The following XIAP variants were observed in gnomAD, a reference collection of about 807,000 sequenced individuals.
XIAP encodes E3 ubiquitin-protein ligase XIAP.
Under a neutral mutation model 33.1 loss-of-function variants are expected in XIAP, and 3 were observed. The ratio of observed to expected loss-of-function variants is 0.09; its 90% CI spans 0.04 to 0.23. The LOEUF (loss-of-function observed/expected upper bound fraction) is 0.23, where lower values mean the gene tolerates loss of function less well. XIAP is among the 10% of genes least tolerant of loss of function. The probability of loss-of-function intolerance (pLI) is 1.00; values close to 1 mark genes in which losing one functional copy is unlikely to be tolerated. For missense variants in XIAP, 264 were observed against 363.0 expected (o/e 0.73, Z 2.22); for synonymous variants, 98 against 121.3 (o/e 0.81, Z 1.26).
intron 1 of XIAP, among the ~76,000 whole-genome samples, chrX:123,866,148 C>T (rs1441455192): frequency 1.8e-5 from 2 of 110,213 alleles, no homozygotes; most frequent in Non-Finnish European, 1.9e-5. Flanking sequence ...ACCATGTTAA[C>T]CAGGTTGGCC....
chrX:123,885,159 G>T (rs1353388933), intron 1 of XIAP, among the ~76,000 whole-genome samples: 1 of 111,693 alleles, frequency 9.0e-6, no homozygotes, highest in Admixed American at 9.6e-5. Flanking sequence ...TAAGCAAAGA[G>T]ATATTAAAAA....
chrX:123,864,635 A>AGTGTGTGTGTGTGTGT (rs748255094), intron 1 of XIAP, among the ~76,000 whole-genome samples: 5 of 84,674 alleles, frequency 5.9e-5, no homozygotes, highest in Admixed American at 1.4e-4. Context: ...CCCGGCTTAG[A>AGTGTGTGTGTGTGTGT]GTGTGTGTGT....
chrX:123,862,286 C>T (rs1451828012), intron 1 of XIAP, among the ~76,000 whole-genome samples: 1 of 108,716 alleles, frequency 9.2e-6, no homozygotes, highest in Non-Finnish European at 1.9e-5. Flanking sequence ...CCAGGCTGAT[C>T]TCGAACTCCT....
At chrX:123,893,310 G>T (rs1188555939) in intron 5 of XIAP, among the ~76,000 whole-genome samples, 1 of 107,335 alleles carries the variant, frequency 9.3e-6, no homozygotes, top group Non-Finnish European at 1.9e-5. Flanking sequence ...ACGAGGTCAG[G>T]AGATCGAGAC....
intron 1 of XIAP, among the ~76,000 whole-genome samples, chrX:123,869,341 C>T (rs1363192729): frequency 1.5e-5 from 1 of 66,678 alleles, no homozygotes; most frequent in African/African-American, 6.0e-5. Context: ...AGAGCAAAAC[C>T]CCATCTCTAC....
chrX:123,899,144 A>AAAAAAAAAAAAATATATATAT (rs1186271285), intron 5 of XIAP, among the ~76,000 whole-genome samples: 1 of 50,184 alleles, frequency 2.0e-5, no homozygotes, highest in African/African-American at 8.4e-5. Context: ...AAAAAAAAAA[A>AAAAAAAAAAAAATATATATAT]ATATATATAT....
intron 5 of XIAP, among the ~76,000 whole-genome samples, chrX:123,893,836 A>T (rs1393106417): frequency 8.9e-6 from 1 of 112,202 alleles, no homozygotes; most frequent in African/African-American, 3.2e-5. Context: ...GCAAGACTCC[A>T]TCTCAAAAAG....
rs758511888 is a variant in XIAP, at chrX:123,885,917, A to C, written c.255A>C (p.Lys85Asn). Residue 85 changes from lysine to asparagine, a missense_variant, in exon 2 of 7, where the codon AAA becomes AAC. Coordinates refer to ENST00000371199, the MANE Select transcript of XIAP (RefSeq NM_001167.4). Reference sequence around the variant, plus strand: ...ACTCAGCAGTTGGAAGACACAGGAAAGTATCCCCAAATTGCAGATTTATCA... The same window carrying C: ...ACTCAGCAGTTGGAAGACACAGGAACGTATCCCCAAATTGCAGATTTATCA... Reference protein sequence around the residue: ...YGDSAVGRHRKVSPNCRFING... With the variant: ...YGDSAVGRHRNVSPNCRFING... The C allele has an allele frequency of 1.7e-6, 2 of 1,211,850 alleles. No individual in the cohort carries two copies. Among genetic ancestry groups the C allele is most frequent in the Admixed American group, 4.4e-5 (2 of 45,908 alleles).
chrX:123,897,300 A>G (rs1257524116), intron 5 of XIAP, among the ~76,000 whole-genome samples: 1 of 111,996 alleles, frequency 8.9e-6, no homozygotes, highest in Non-Finnish European at 1.9e-5. Flanking sequence ...TTAATGTCAT[A>G]TTTAAGAAAC....
chrX:123,885,035 GTAAT>G (rs1393247603), intron 1 of XIAP, among the ~76,000 whole-genome samples: 1 of 110,002 alleles, frequency 9.1e-6, no homozygotes, highest in African/African-American at 3.3e-5. Flanking sequence ...ATATATATCT[GTAAT>G]TATCCAGTTA....
chrX:123,880,212 A>G (rs1247851652), intron 1 of XIAP, among the ~76,000 whole-genome samples: 1 of 109,355 alleles, frequency 9.1e-6, no homozygotes, highest in Non-Finnish European at 1.9e-5. Flanking sequence ...CAGGAGTTCA[A>G]GACCAGCCTG....
chrX:123,887,994 TAATAATAATTAATA>T (rs1222088344), intron 2 of XIAP, among the ~76,000 whole-genome samples: 7 of 95,076 alleles, frequency 7.4e-5, no homozygotes, highest in Admixed American at 4.6e-4. Context: ...CAGAAAAAAA[TAATAATAATTAATA>T]AATAAATAAA....
chrX:123,886,287 A>G lies in XIAP; in HGVS notation c.625A>G (p.Asn209Asp), dbSNP rs2053350664. Residue 209 changes from asparagine to aspartate, a missense_variant, in exon 2 of 7, where the codon AAT becomes GAT. Asn to Asp is a conservative substitution (Grantham distance 23, BLOSUM62 1). Transcript: ENST00000371199. ...CTTTTGTTGTGGTGGAAAACTGAAA[A>G]ATTGGGAACCTTGTGATCGTGCCTG... Reference protein sequence around the residue: ...QCFCCGGKLKNWEPCDRAWSE... With the variant: ...QCFCCGGKLKDWEPCDRAWSE... The G allele has an allele frequency of 8.3e-7, 1 of 1,210,401 alleles. No individual in the cohort carries two copies.
chrX:123,902,845 T>C (rs759444708), intron 6 of XIAP, among the ~76,000 whole-genome samples: 1 of 111,955 alleles, frequency 8.9e-6, no homozygotes, highest in East Asian at 2.8e-4. Flanking sequence ...TAGAAGAGGT[T>C]TTAAATAATT....
chrX:123,899,241 GTATA>G lies in XIAP; in HGVS notation c.1100-1244_1100-1241del, dbSNP rs752247433. Among the ~76,000 whole-genome samples the G allele has an allele frequency of 4.8e-3, 360 of 75,386 alleles. 4 individuals carry two copies. Among genetic ancestry groups the G allele is most frequent in the African/African-American group, 0.019 (332 of 17,932 alleles). The allele number at this position is 75,386 out of a possible 115,157, so 65.5% of individuals were successfully genotyped here. A position where few individuals can be genotyped will look rare whatever the true frequency, so the allele number is the denominator to read the frequency against. ...TGATTTTGTATATATATATGATTTTGTATATATATATGATTTTGTATATATATGA... is the reference window on the plus strand; with the variant it reads ...TGATTTTGTATATATATATGATTTTGTATATATGATTTTGTATATATATGA... On this transcript the variant is annotated intron_variant, in intron 5 of 6. Transcript: ENST00000371199.
Position 123,911,068 on chromosome X carries a change from C to T in XIAP, c.*3887C>T, listed in dbSNP as rs1246801942. The stretch of plus-strand genomic sequence containing the variant: ...TAAATATGAACTCCCATCCTAATAC[C>T]CTTTTACCTCTCTGTGGGTTTGTCT... On this transcript the variant is annotated 3_prime_UTR_variant, in exon 7 of 7. Coordinates refer to ENST00000371199, the MANE Select transcript of XIAP (RefSeq NM_001167.4). 1 of 328,521 alleles carries T rather than the reference C, an allele frequency of 3.0e-6. No homozygotes were observed. Among genetic ancestry groups the T allele is most frequent in the Non-Finnish European group, 5.9e-6 (1 of 169,806 alleles). The allele number at this position is 328,521 out of a possible 1,213,427, so 27.1% of individuals were successfully genotyped here.
At chrX:123,906,964 C>T (rs1410088593) in intron 6 of XIAP, 24 bp from the exon 7 acceptor site, 1 of 1,206,204 alleles carries the variant, frequency 8.3e-7, no homozygotes. Context: ...CTAAAACTAG[C>T]ATAATTATTT....
At chrX:123,903,281 C>G (rs1041253235) in intron 6 of XIAP, among the ~76,000 whole-genome samples, 1 of 104,260 alleles carries the variant, frequency 9.6e-6, no homozygotes, top group Non-Finnish European at 1.9e-5. Context: ...CTCCACCTCC[C>G]GGGTTCAAGC....
At chrX:123,892,794 T>A (rs776571560) in intron 5 of XIAP, 21 bp downstream of exon 5, 1 of 1,151,636 alleles carries the variant, frequency 8.7e-7, no homozygotes, top group Non-Finnish European at 1.2e-6. Context: ...TTGTTAACTA[T>A]CCTTTTAATT....
Sources: gnomAD v4.1 joint callset for allele counts (sites outside exome capture counted in the v4.1 genomes callset) on GRCh38, gnomAD v4.1.1 for gene constraint, MANE v1.5 for transcripts, NCBI Gene and HGNC (gene_info 2026-07-23, HGNC 2026-07-21) for gene names.